Variants in EPB41L3 observed in about 807,000 individuals in gnomAD.
The protein encoded by EPB41L3 is band 4.1-like protein 3.
In EPB41L3, 57 loss-of-function variants were observed where a neutral mutation model predicts 127.1. The observed-to-expected ratio is 0.45, with a 90% CI of 0.36 to 0.56. The LOEUF (loss-of-function observed/expected upper bound fraction) is 0.56. Among genes scored for constraint, EPB41L3 ranks in the 20% least tolerant of loss-of-function variants. The pLI is 0.00. For synonymous variants in EPB41L3, 572 were observed against 549.5 expected (o/e 1.04, Z -0.57); for missense variants, 1,273 against 1,372.2 (o/e 0.93, Z 1.14).
At chr18:5,551,836 G>C (rs2093970034) in intron 3 of EPB41L3, among the ~76,000 whole-genome samples, 2 of 152,130 alleles carry the variant, frequency 1.3e-5, no homozygotes, top group African/African-American at 2.4e-5. Context: ...ATAATTGAAA[G>C]TTTATATTTA....
At chr18:5,572,551 T>G (rs1001457728) in intron 3 of EPB41L3, among the ~76,000 whole-genome samples, 3 of 152,128 alleles carry the variant, frequency 2.0e-5, no homozygotes, top group Admixed American at 2.0e-4. Flanking sequence ...CTTCTGAGTT[T>G]GTTTCTGTTT....
intron 3 of EPB41L3, chr18:5,467,730 C>T (rs951619620): frequency 1.3e-5 from 2 of 152,236 alleles, no homozygotes; most frequent in African/African-American, 4.8e-5. Context: ...TTCTCAGCTT[C>T]ATAAACTGTG....
In EPB41L3 at chr18:5,593,242, C is replaced by T. The variant is rs570532812; in HGVS notation, c.-306+19098G>A. Among the ~76,000 whole-genome samples the T allele has an allele frequency of 1.9e-4, 26 of 137,548 alleles. No homozygotes were observed. In the East Asian group the frequency reaches 3.6e-3, roughly 19 times the overall value. The allele number at this position is 137,548 out of a possible 152,430, so 90.2% of individuals were successfully genotyped here. On this transcript the variant is annotated intron_variant, in intron 3 of 21. Transcript: ENST00000545076. ...TATCGGGGGAAATTCAGCCAGATAT[C>T]GGGCAAAATTCACCCCTGATATTTC...
intron 3 of EPB41L3, among the ~76,000 whole-genome samples, chr18:5,445,677 C>A (rs373370004): frequency 6.6e-6 from 1 of 152,178 alleles, no homozygotes; most frequent in Admixed American, 6.5e-5. Flanking sequence ...GAGTCCTCAG[C>A]CCCTGGGCCA....
chr18:5,499,628 G>A (rs745593449), intron 1 of EPB41L3, among the ~76,000 whole-genome samples: 5 of 151,748 alleles, frequency 3.3e-5, no homozygotes, highest in Non-Finnish European at 5.9e-5. Flanking sequence ...TTAGCCGGGC[G>A]TGGTGGCGGG....
At chr18:5,498,461 A>G (rs961737814) in intron 1 of EPB41L3, among the ~76,000 whole-genome samples, 1 of 151,942 alleles carries the variant, frequency 6.6e-6, no homozygotes, top group Non-Finnish European at 1.5e-5. Flanking sequence ...GGGTGTGGTC[A>G]CGGGCACCTG....
intron 16 of EPB41L3, among the ~76,000 whole-genome samples, chr18:5,403,164 C>A (rs1323806260): frequency 6.6e-6 from 1 of 152,146 alleles, no homozygotes; most frequent in Non-Finnish European, 1.5e-5. Context: ...AGAGGATGTA[C>A]CTGGCACGCT....
At chr18:5,607,605 G>C (rs1206895408) in intron 3 of EPB41L3, among the ~76,000 whole-genome samples, 2 of 152,058 alleles carry the variant, frequency 1.3e-5, no homozygotes, top group Non-Finnish European at 2.9e-5. Flanking sequence ...CAGGTACAAG[G>C]GTTTGTCTGG....
At chr18:5,410,202 G>A (rs1011586444) in intron 14 of EPB41L3, among the ~76,000 whole-genome samples, 4 of 149,280 alleles carry the variant, frequency 2.7e-5, no homozygotes, top group Admixed American at 6.6e-5. Context: ...TCTCATTTGA[G>A]ATAGAATTTT....
chr18:5,617,522 T>C (rs1007205057), intron 1 of EPB41L3, among the ~76,000 whole-genome samples: 1 of 151,940 alleles, frequency 6.6e-6, no homozygotes, highest in Non-Finnish European at 1.5e-5. Flanking sequence ...GTTTCACCGT[T>C]TTAGCCGGGA....
intron 3 of EPB41L3, chr18:5,466,458 A>C (rs1032295006): frequency 1.3e-5 from 2 of 152,110 alleles, no homozygotes; most frequent in Non-Finnish European, 1.5e-5. Context: ...ATATTTCATC[A>C]TGTCTCCACG....
chr18:5,523,553 C>T (rs2148839824), intron 1 of EPB41L3, among the ~76,000 whole-genome samples: 1 of 152,312 alleles, frequency 6.6e-6, no homozygotes, highest in South Asian at 2.1e-4. Flanking sequence ...TATCCCAGGA[C>T]TTTGGGAAAC....
intron 1 of EPB41L3, among the ~76,000 whole-genome samples, chr18:5,522,554 C>G (rs1340673559): frequency 6.6e-6 from 1 of 152,082 alleles, no homozygotes; most frequent in East Asian, 1.9e-4. Flanking sequence ...TCTCTTACAG[C>G]CTGTAGAAAT....
At chr18:5,438,229 A>G in intron 5 of EPB41L3, 119 bp from the exon 6 acceptor site, 1 of 756,850 alleles carries the variant, frequency 1.3e-6, no homozygotes, top group South Asian at 1.9e-5. Context: ...CCATTAATGG[A>G]AAACTGGGAA....
At chr18:5,578,323 T>C (rs899161943) in intron 3 of EPB41L3, among the ~76,000 whole-genome samples, 2 of 152,236 alleles carry the variant, frequency 1.3e-5, no homozygotes, top group African/African-American at 4.8e-5. Context: ...ATTATAACTC[T>C]GCATTGGATA....
chr18:5,580,885 TG>T (rs1213181008), intron 3 of EPB41L3, among the ~76,000 whole-genome samples: 2 of 152,228 alleles, frequency 1.3e-5, no homozygotes, highest in Non-Finnish European at 2.9e-5. Flanking sequence ...ACGTCCATTC[TG>T]GGGCTGCTAC....
chr18:5,549,244 C>T (rs1440009921), upstream of EPB41L3, among the ~76,000 whole-genome samples: 2 of 152,204 alleles, frequency 1.3e-5, no homozygotes, highest in African/African-American at 4.8e-5. Context: ...CCCTTTCCAA[C>T]TGTCTCACTG....
chr18:5,567,456 A>G (rs992898286), intron 3 of EPB41L3: 1 of 152,258 alleles, frequency 6.6e-6, no homozygotes, highest in Non-Finnish European at 1.5e-5. Flanking sequence ...GAAGTAACTC[A>G]TAAATTAATT....
intron 1 of EPB41L3, among the ~76,000 whole-genome samples, chr18:5,505,418 C>T (rs757206789): frequency 3.3e-5 from 5 of 152,038 alleles, no homozygotes; most frequent in African/African-American, 7.3e-5. Context: ...TCCACGCTTT[C>T]GCCTCTGTCC....
Sources: allele counts gnomAD v4.1 joint callset (sites outside exome capture counted in the v4.1 genomes callset), GRCh38; gene constraint gnomAD v4.1.1; transcripts MANE v1.5; gene names NCBI Gene and HGNC (gene_info 2026-07-23, HGNC 2026-07-21).